Variants in GRIN2A observed in about 807,000 individuals in gnomAD.
GRIN2A encodes glutamate receptor ionotropic, NMDA 2A.
In GRIN2A, 22 loss-of-function variants were observed where a neutral mutation model predicts 113.4. That is an observed-to-expected ratio of 0.19 (90% CI 0.14 to 0.28). The LOEUF is 0.28. GRIN2A is among the 10% of genes least tolerant of loss of function. GRIN2A has a pLI of 1.00. For synonymous variants in GRIN2A, 827 were observed against 738.4 expected (o/e 1.12, Z -1.94); for missense variants, 1,502 against 1,887.0 (o/e 0.80, Z 3.78).
chr16:10,003,587 T>C (rs759328137), intron 2 of GRIN2A, among the ~76,000 whole-genome samples: 4 of 152,312 alleles, frequency 2.6e-5, no homozygotes, highest in African/African-American at 7.2e-5. Flanking sequence ...AAGGCTGAAA[T>C]TGTGCACACT....
intron 3 of GRIN2A, among the ~76,000 whole-genome samples, chr16:9,901,106 G>T (rs1207765925): frequency 2.6e-5 from 4 of 152,202 alleles, no homozygotes; most frequent in African/African-American, 4.8e-5. Flanking sequence ...ATTCATAAAA[G>T]CAGGGATTTT....
intron 2 of GRIN2A, among the ~76,000 whole-genome samples, chr16:9,979,095 G>A (rs1311400596): frequency 6.6e-6 from 1 of 152,150 alleles, no homozygotes; most frequent in East Asian, 1.9e-4. Context: ...CCCTCTGGTT[G>A]TGAGAAAGTA....
Position 9,763,949 on chromosome 16 carries a change from G to C in GRIN2A, c.3595C>G (p.Pro1199Ala), listed in dbSNP as rs1900727344. 1 of 1,614,110 alleles carries C rather than the reference G, an allele frequency of 6.2e-7. No homozygotes were observed. The highest frequency in any genetic ancestry group is 8.5e-7 in the Non-Finnish European group (1 of 1,179,998). ...TATCGCTCGCTGGTCTCACTGTGCG[G>C]GGAACCCTTGTCTTTCAAGGTGAAG... ...KHFTLKDKGSPHSETSERYRQ... is the reference protein window; with the variant it reads ...KHFTLKDKGSAHSETSERYRQ... The change falls in exon 13 of 13, where the codon CCG (proline) becomes GCG (alanine). Residue 1199 changes from proline to alanine, a missense_variant. Physicochemically the swap from Pro to Ala is conservative, Grantham distance 27 (BLOSUM62 -1). Around this residue, in one of 7 missense-constraint regions of GRIN2A, gnomAD observed 832 missense variants for 789.7 expected, o/e 1.05. Coordinates refer to ENST00000330684, the MANE Select transcript of GRIN2A (RefSeq NM_001134407.3).
intron 12 of GRIN2A, among the ~76,000 whole-genome samples, chr16:9,765,799 A>C (rs1567279984): frequency 6.6e-6 from 1 of 152,226 alleles, no homozygotes; most frequent in Non-Finnish European, 1.5e-5. Context: ...TTTAGTTACT[A>C]GTCACAGTGA....
chr16:10,086,970 G>C (rs2048097658), intron 2 of GRIN2A, among the ~76,000 whole-genome samples: 3 of 152,200 alleles, frequency 2.0e-5, no homozygotes, highest in Non-Finnish European at 4.4e-5. Context: ...GAGCATGAAT[G>C]AAGTTTTAAG....
rs959325415 is a variant in GRIN2A, at chr16:9,762,853, A to G, written c.*296T>C. ...CACCATTGGCATCCAATGCATCATT[A>G]TTGCCAACATACCCAGTAGGCATGT... On this transcript the variant is annotated 3_prime_UTR_variant, in exon 13 of 13. Coordinates refer to ENST00000330684, the MANE Select transcript of GRIN2A (RefSeq NM_001134407.3). 1 of 491,832 alleles carries G rather than the reference A, an allele frequency of 2.0e-6. No individual in the cohort carries two copies. Among genetic ancestry groups the G allele is most frequent in the Admixed American group, 3.5e-5 (1 of 28,300 alleles). The allele number at this position is 491,832 out of a possible 1,614,324, so 30.5% of individuals were successfully genotyped here.
At chr16:9,774,961 T>C (rs1901508040) in intron 11 of GRIN2A, among the ~76,000 whole-genome samples, 1 of 152,164 alleles carries the variant, frequency 6.6e-6, no homozygotes, top group African/African-American at 2.4e-5. Flanking sequence ...CTCTCTTATA[T>C]CCAAAGTAAG....
Position 9,857,124 on chromosome 16 carries a change from C to T in GRIN2A, c.1123-7163G>A, listed in dbSNP as rs186408968. Among the ~76,000 whole-genome samples the T allele has an allele frequency of 1.2e-4, 19 of 152,206 alleles. No individual in the cohort carries two copies. The East Asian group carries it at 3.5e-3, about 28-fold the overall frequency. Reference sequence around the variant, plus strand: ...TAGAAGATATCTGACCAGTAGTCCTCCAAATTGTCAAAGGTCATTAAAAAA... The same window carrying T: ...TAGAAGATATCTGACCAGTAGTCCTTCAAATTGTCAAAGGTCATTAAAAAA... On this transcript the variant is annotated intron_variant, in intron 4 of 12. Transcript: ENST00000330684.
intron 2 of GRIN2A, among the ~76,000 whole-genome samples, chr16:9,965,925 C>T (rs2045548662): frequency 3.9e-5 from 6 of 152,182 alleles, no homozygotes; most frequent in Admixed American, 3.3e-4. Context: ...ACTATCTGGG[C>T]TTTTAAATAA....
intron 2 of GRIN2A, among the ~76,000 whole-genome samples, chr16:9,959,538 G>A (rs537394623): frequency 1.3e-5 from 2 of 152,234 alleles, no homozygotes; most frequent in Non-Finnish European, 2.9e-5. Flanking sequence ...GATGTGCAAC[G>A]TATCAACTCT....
intron 12 of GRIN2A, among the ~76,000 whole-genome samples, chr16:9,768,229 T>C (rs911471526): frequency 5.3e-5 from 8 of 151,534 alleles, no homozygotes; most frequent in Non-Finnish European, 8.8e-5. Context: ...TTTGTGTTTT[T>C]AGTAGAGAAG....
intron 2 of GRIN2A, among the ~76,000 whole-genome samples, chr16:10,113,138 C>T (rs530664855): frequency 3.3e-5 from 5 of 152,184 alleles, no homozygotes; most frequent in East Asian, 3.9e-4. Flanking sequence ...TCAGGCCCTG[C>T]GCCTGCCTCA....
intron 2 of GRIN2A, among the ~76,000 whole-genome samples, chr16:10,123,600 G>T (rs748764803): frequency 6.6e-6 from 1 of 151,768 alleles, no homozygotes; most frequent in East Asian, 1.9e-4. Flanking sequence ...TAACATGCAC[G>T]TGAATCGCCG....
chr16:9,872,618 A>G (rs1037420664), intron 4 of GRIN2A, among the ~76,000 whole-genome samples: 8 of 152,208 alleles, frequency 5.3e-5, no homozygotes, highest in African/African-American at 1.9e-4. Flanking sequence ...TGTGGTATAT[A>G]TACACAATGA....
intron 4 of GRIN2A, among the ~76,000 whole-genome samples, chr16:9,879,415 A>AT (rs1451606844): frequency 2.6e-5 from 4 of 152,102 alleles, no homozygotes; most frequent in Non-Finnish European, 4.4e-5. Context: ...CTAAAAAAAA[A>AT]TTTTTTTAAT....
chr16:9,771,388 T>C (rs1354351016), intron 11 of GRIN2A, among the ~76,000 whole-genome samples: 5 of 152,168 alleles, frequency 3.3e-5, no homozygotes, highest in African/African-American at 1.2e-4. Flanking sequence ...TGTTTTAATT[T>C]TATTTATTTT....
intron 4 of GRIN2A, among the ~76,000 whole-genome samples, chr16:9,876,249 C>G (rs991953688): frequency 6.6e-6 from 1 of 152,146 alleles, no homozygotes; most frequent in Non-Finnish European, 1.5e-5. Flanking sequence ...GCTTCTTACT[C>G]TCCCAGGCTT....
chr16:9,877,655 CCCCCTCTCTCT>C (rs982203969), intron 4 of GRIN2A, among the ~76,000 whole-genome samples: 129 of 126,166 alleles, frequency 1.0e-3, no homozygotes, highest in Admixed American at 8.8e-3. Context: ...TCTCCCTCTC[CCCCCTCTCTCT>C]CCCCTTCTTC....
chr16:9,964,500 G>A (rs1794016784), intron 2 of GRIN2A, among the ~76,000 whole-genome samples: 1 of 152,120 alleles, frequency 6.6e-6, no homozygotes, highest in African/African-American at 2.4e-5. Flanking sequence ...TTATACTTCT[G>A]TGGTTCTGAA....
Sources: gnomAD v4.1 joint callset for allele counts (sites outside exome capture counted in the v4.1 genomes callset) on GRCh38, gnomAD v4.1.1 for gene constraint, gnomAD v4.1.1 regional missense constraint, MANE v1.5 for transcripts, NCBI Gene and HGNC (gene_info 2026-07-23, HGNC 2026-07-21) for gene names.